DNAH12: variants seen among roughly 807,000 people sequenced by gnomAD.
DNAH12 encodes the protein dynein axonemal heavy chain 12.
A neutral mutation model predicts 371.5 loss-of-function variants in DNAH12; 285 were observed. The observed-to-expected ratio is 0.77, with a 90% CI of 0.70 to 0.85. The LOEUF is 0.85. Among genes scored for constraint, DNAH12 ranks in the 40% least tolerant of loss-of-function variants. DNAH12 has a pLI of 0.00. For missense variants in DNAH12, 3,611 were observed against 3,689.4 expected, an observed-to-expected ratio of 0.98 and a Z score of 0.55; for synonymous variants, 1,200 against 1,213.0, an observed-to-expected ratio of 0.99 and a Z score of 0.22.
chr3:57,492,817 C>A (rs1046362680), intron 11 of DNAH12, among the ~76,000 whole-genome samples: 6 of 151,976 alleles, frequency 3.9e-5, no homozygotes, highest in African/African-American at 1.5e-4. Context: ...CCATCCTGGC[C>A]AACATGGTGA....
At chr3:57,460,159 G>A (rs981914135) in intron 19 of DNAH12, among the ~76,000 whole-genome samples, 5 of 152,022 alleles carry the variant, frequency 3.3e-5, no homozygotes, top group African/African-American at 9.7e-5. Flanking sequence ...GACATTTTTG[G>A]TTGTCACAAC....
intron 4 of DNAH12, among the ~76,000 whole-genome samples, chr3:57,513,702 G>C (rs781129668): frequency 6.6e-6 from 1 of 151,958 alleles, no homozygotes; most frequent in Non-Finnish European, 1.5e-5. Context: ...TATTTTAAAC[G>C]TATAATCTTA....
At chr3:57,462,213 AAGT>A (rs1178279610) in intron 18 of DNAH12, among the ~76,000 whole-genome samples, 3 of 151,302 alleles carry the variant, frequency 2.0e-5, no homozygotes, top group African/African-American at 7.3e-5. Context: ...CAGGACAAGT[AAGT>A]ACACACTTTG....
At chr3:57,354,731 T>C (rs1214857922) in intron 59 of DNAH12, among the ~76,000 whole-genome samples, 1 of 152,058 alleles carries the variant, frequency 6.6e-6, no homozygotes, top group Non-Finnish European at 1.5e-5. Context: ...CTTCAACAGG[T>C]AGATGATTAA....
rs762074810 is a variant in DNAH12, at chr3:57,318,788, T to C, written c.10524+3555A>G. Reference sequence around the variant, plus strand: ...TTTTAATCACTGTAGCTTTGTATTATATTTTGAAATCAGGAAGTAGCCTGA... The same window carrying C: ...TTTTAATCACTGTAGCTTTGTATTACATTTTGAAATCAGGAAGTAGCCTGA... On this transcript the variant is annotated intron_variant, in intron 65 of 73. Coordinates refer to ENST00000495027, the MANE Select transcript of DNAH12 (RefSeq NM_001366028.2). Among the ~76,000 whole-genome samples, 12 of 152,180 alleles carry C rather than the reference T, an allele frequency of 7.9e-5. 1 individual carries two copies. Among genetic ancestry groups the C allele is most frequent in the East Asian group, 3.9e-4 (2 of 5,180 alleles).
chr3:57,526,987 G>A (rs4267619), intron 2 of DNAH12, among the ~76,000 whole-genome samples: 133,853 of 151,966 alleles, frequency 0.88, 59,495 homozygotes, highest in African/African-American at 0.96. Flanking sequence ...GGCACCCACC[G>A]CCACACCCAG....
intron 5 of DNAH12, among the ~76,000 whole-genome samples, chr3:57,510,501 A>G (rs570292319): frequency 1.3e-5 from 2 of 152,128 alleles, no homozygotes; most frequent in South Asian, 4.2e-4. Context: ...TTAGCTGGGC[A>G]TAGTGGTGTG....
At chr3:57,411,451 C>T (rs2153355489) in intron 39 of DNAH12, among the ~76,000 whole-genome samples, 1 of 142,440 alleles carries the variant, frequency 7.0e-6, no homozygotes, top group Admixed American at 7.4e-5. Context: ...TCTCTTGAAC[C>T]CAGAGGCAGA....
intron 43 of DNAH12, among the ~76,000 whole-genome samples, chr3:57,396,634 C>T (rs2063747745): frequency 6.6e-6 from 1 of 152,174 alleles, no homozygotes; most frequent in Non-Finnish European, 1.5e-5. Context: ...CTGCCTCAGC[C>T]TCCCAAGTAT....
intron 4 of DNAH12, 100 bp downstream of exon 4, chr3:57,523,483 A>G: frequency 1.0e-6 from 1 of 958,162 alleles, no homozygotes; most frequent in Non-Finnish European, 1.5e-6. Flanking sequence ...AAATTTATTT[A>G]TTTTCTAGAA....
chr3:57,353,283 T>C (rs2062724950), intron 59 of DNAH12, among the ~76,000 whole-genome samples: 1 of 152,054 alleles, frequency 6.6e-6, no homozygotes, highest in East Asian at 1.9e-4. Context: ...ATTCTAAAAA[T>C]AGTTTGGCAC....
rs2063549070 is a variant in DNAH12 at position 57,388,834 on chromosome 3, C to G, written c.7306-1615G>C. On this transcript the variant is annotated intron_variant, in intron 45 of 73. Coordinates refer to ENST00000495027, the MANE Select transcript of DNAH12 (RefSeq NM_001366028.2). ...AAACCAAACACTGCATGTTCTTACT[C>G]ATAGGTGGGAATTGAACAATGAGAA... is the stretch of plus-strand genomic sequence containing the variant. Among the ~76,000 whole-genome samples the G allele has an allele frequency of 8.3e-5, 12 of 144,394 alleles. No individual in the cohort carries two copies. The South Asian group carries it at 2.6e-3, about 31-fold the overall frequency. 94.7% of individuals were successfully genotyped at this position (144,394 alleles called of 152,430 possible). A position where few individuals can be genotyped will look rare whatever the true frequency, so the allele number is the denominator to read the frequency against.
At chr3:57,348,486 T>G (rs2062596757) in intron 60 of DNAH12, among the ~76,000 whole-genome samples, 1 of 152,182 alleles carries the variant, frequency 6.6e-6, no homozygotes, top group Admixed American at 6.6e-5. Context: ...TGATGTTACC[T>G]ATGAACTTAC....
At chr3:57,349,329 C>T (rs887571798) in intron 60 of DNAH12, among the ~76,000 whole-genome samples, 4 of 152,084 alleles carry the variant, frequency 2.6e-5, no homozygotes, top group Admixed American at 6.6e-5. Flanking sequence ...TGGATGTTGG[C>T]GTGGATGCGG....
chr3:57,352,619 T>C (rs1553660978), intron 59 of DNAH12, among the ~76,000 whole-genome samples: 1 of 151,940 alleles, frequency 6.6e-6, no homozygotes, highest in African/African-American at 2.4e-5. Flanking sequence ...CTAAATATCT[T>C]ATTCTGCCCC....
intron 43 of DNAH12, among the ~76,000 whole-genome samples, chr3:57,401,502 T>C (rs1233719612): frequency 9.1e-5 from 13 of 142,184 alleles, no homozygotes; most frequent in African/African-American, 3.5e-4. Flanking sequence ...AGGCGAAGAT[T>C]GCAGTGAGCC....
Position 57,408,445 on chromosome 3 carries a change from A to G in DNAH12, c.6111T>C (p.Val2037=). 1 of 1,551,576 alleles carries G rather than the reference A, an allele frequency of 6.4e-7. No homozygotes were observed. Among genetic ancestry groups the G allele is most frequent in the Non-Finnish European group, 8.7e-7 (1 of 1,146,916 alleles). The change falls in exon 40 of 74, where the codon GTT becomes GTC. Residue 2037 remains valine, a synonymous_variant. Coordinates refer to ENST00000495027, the MANE Select transcript of DNAH12 (RefSeq NM_001366028.2). ...MGPPGGGRNP[V]TPRCIRHFNI... ...TGAAATGTCGAATACAACGGGGAGT[A>G]ACTGGATTTCTTCCACCACCTGGAG...
intron 62 of DNAH12, among the ~76,000 whole-genome samples, chr3:57,324,400 G>A (rs1170689729): frequency 6.6e-6 from 1 of 152,144 alleles, no homozygotes; most frequent in Admixed American, 6.5e-5. Context: ...AGCCAAAGAT[G>A]GCCTGGGAGG....
At chr3:57,308,255 C>T (rs1338202271) in intron 69 of DNAH12, among the ~76,000 whole-genome samples, 2 of 152,144 alleles carry the variant, frequency 1.3e-5, no homozygotes, top group African/African-American at 2.4e-5. Flanking sequence ...CTCTCTCTGG[C>T]CTTCCCACCT....
Sources: allele counts gnomAD v4.1 joint callset (sites outside exome capture counted in the v4.1 genomes callset), GRCh38; gene constraint gnomAD v4.1.1; transcripts MANE v1.5; gene names NCBI Gene and HGNC (gene_info 2026-07-23, HGNC 2026-07-21).